The following DIP2C variants were observed in gnomAD, a reference collection of about 807,000 sequenced individuals.
The protein encoded by DIP2C is DIP2 acetate--CoA ligase C (putative).
Under a neutral mutation model 192.4 loss-of-function variants are expected in DIP2C, and 33 were observed. The ratio of observed to expected loss-of-function variants is 0.17; its 90% confidence interval spans 0.13 to 0.23. The LOEUF is 0.23. Ranked by LOEUF, DIP2C falls within the 10% of genes least tolerant of loss-of-function variation. The pLI is 1.00. For synonymous variants in DIP2C, 979 were observed against 864.1 expected, an observed-to-expected ratio of 1.13 and a Z score of -2.33; for missense variants, 1,537 against 2,110.1, an observed-to-expected ratio of 0.73 and a Z score of 5.32.
intron 1 of DIP2C, among the ~76,000 whole-genome samples, chr10:497,512 C>T (rs181178730): frequency 6.6e-6 from 1 of 152,166 alleles, no homozygotes; most frequent in Non-Finnish European, 1.5e-5. Flanking sequence ...GAGAAGCAGG[C>T]GTCCTTCACT....
rs534714225 is a variant in DIP2C, at chr10:518,794, A to G, written c.86-32264T>C. ...ACAGAGATGGCTACTCCCCTCTTCC[A>G]GAAAGAGGTTTAATTAAAATCCCTG... On this transcript the variant is annotated intron_variant, in intron 1 of 36. Coordinates refer to ENST00000280886, the MANE Select transcript of DIP2C (RefSeq NM_014974.3). 1.5e-4 allele frequency among the ~76,000 whole-genome samples: 23 copies of G among 152,350 alleles called. 1 individual carries two copies. In the East Asian group the frequency reaches 4.4e-3, roughly 29 times the overall value.
rs1192892300 is a variant in DIP2C at position 356,365 on chromosome 10, C to G, written c.2985+61G>C. On this transcript the variant is annotated intron_variant, in intron 24 of 36. Coordinates refer to ENST00000280886, the MANE Select transcript of DIP2C (RefSeq NM_014974.3). ...TTCAAAGAAAGAAGCAGGAGCGCTC[C>G]CAGGAACCAGGCTAGGCCCCTTGAG... 4.4e-6 allele frequency: 7 copies of G among 1,581,554 alleles called. No individual in the cohort carries two copies. In the Admixed American group the frequency reaches 5.0e-5, roughly 11 times the overall value.
At chr10:377,697 C>T (rs1294441777) in intron 17 of DIP2C, among the ~76,000 whole-genome samples, 1 of 152,180 alleles carries the variant, frequency 6.6e-6, no homozygotes, top group Non-Finnish European at 1.5e-5. Flanking sequence ...ATCCAGGCAC[C>T]ATCAGCACCC....
chr10:450,156 C>T (rs1268185299), intron 3 of DIP2C, among the ~76,000 whole-genome samples: 1 of 152,068 alleles, frequency 6.6e-6, no homozygotes, highest in Non-Finnish European at 1.5e-5. Context: ...GATGTGGACC[C>T]GACACAAGAG....
intron 1 of DIP2C, among the ~76,000 whole-genome samples, chr10:606,766 T>TA (rs1852516800): frequency 6.6e-6 from 1 of 152,164 alleles, no homozygotes; most frequent in South Asian, 2.1e-4. Flanking sequence ...AACGTTTCTA[T>TA]AACCTCAAAA....
At chr10:362,217 G>A (rs1959621599) in intron 22 of DIP2C, among the ~76,000 whole-genome samples, 1 of 152,220 alleles carries the variant, frequency 6.6e-6, no homozygotes, top group South Asian at 2.1e-4. Context: ...TCAGGAGAAT[G>A]AGCTTTTGCT....
At position 363,430 on chromosome 10, in the gene DIP2C, A is replaced by C. The variant is rs1169984557; in HGVS notation, c.2478-119T>G. 7.5e-6 allele frequency: 6 copies of C among 802,506 alleles called. No individual in the cohort carries two copies. The East Asian group carries it at 1.1e-4, about 14-fold the overall frequency. 49.7% of individuals were successfully genotyped at this position (802,506 alleles called of 1,614,324 possible). On this transcript the variant is annotated intron_variant, in intron 20 of 36. Transcript: ENST00000280886. This position sits in a 1 kb window ranked among gnomAD's most constrained non-coding sequence, Gnocchi z 5.4. Reference sequence around the variant, plus strand: ...TGACACAGCTCCAACTACGACTTCAAAACGGCCGCTGTACTTCCGAATTTC... The same window carrying C: ...TGACACAGCTCCAACTACGACTTCACAACGGCCGCTGTACTTCCGAATTTC...
intron 1 of DIP2C, among the ~76,000 whole-genome samples, chr10:617,150 C>T (rs1272653577): frequency 1.1e-4 from 17 of 151,708 alleles, no homozygotes; most frequent in Non-Finnish European, 1.2e-4. Flanking sequence ...CTGTGCCTCC[C>T]GCCTGACTTA....
At position 310,134 on chromosome 10, in the gene DIP2C, G is replaced by C. The variant is rs138147106; in HGVS notation, c.3925-42C>G. 5.8e-6 allele frequency: 9 copies of C among 1,543,740 alleles called. No individual in the cohort carries two copies. In the African/African-American group the frequency reaches 8.2e-5, roughly 14 times the overall value. On this transcript the variant is annotated intron_variant, in intron 31 of 36. Coordinates refer to ENST00000280886, the MANE Select transcript of DIP2C (RefSeq NM_014974.3). ...AGTGGTTAACTCAAGTTTACATGGA[G>C]GGAGATTGGGGTCTGTGCTTCTACT...
intron 17 of DIP2C, among the ~76,000 whole-genome samples, chr10:380,520 A>G (rs1480005129): frequency 6.6e-6 from 1 of 152,268 alleles, no homozygotes; most frequent in Non-Finnish European, 1.5e-5. Context: ...AAATGCTTAG[A>G]TCACAACACA....
At chr10:427,887 GAGTC>G (rs1966697080) in intron 4 of DIP2C, among the ~76,000 whole-genome samples, 1 of 152,136 alleles carries the variant, frequency 6.6e-6, no homozygotes, top group South Asian at 2.1e-4. Context: ...CTTACAATAA[GAGTC>G]AATCATTCTA....
At chr10:284,172 G>T (rs1026927400) in intron 34 of DIP2C, among the ~76,000 whole-genome samples, 2 of 152,160 alleles carry the variant, frequency 1.3e-5, no homozygotes, top group African/African-American at 2.4e-5. Context: ...TTCTGGGCTT[G>T]GCTGTTTCCA....
chr10:386,265 C>T (rs967167928), intron 14 of DIP2C, among the ~76,000 whole-genome samples: 4 of 152,214 alleles, frequency 2.6e-5, no homozygotes, highest in African/African-American at 9.6e-5. Context: ...CCACAGAATT[C>T]TCACACCGGC....
intron 14 of DIP2C, among the ~76,000 whole-genome samples, chr10:384,909 T>G (rs958057124): frequency 1.3e-5 from 2 of 151,490 alleles, no homozygotes; most frequent in Non-Finnish European, 2.9e-5. Flanking sequence ...GAGAAGCAGC[T>G]CTCAGGGAGC....
At chr10:306,491 T>C (rs895702042) in intron 32 of DIP2C, among the ~76,000 whole-genome samples, 1 of 152,184 alleles carries the variant, frequency 6.6e-6, no homozygotes, top group Non-Finnish European at 1.5e-5. Context: ...TAGACGATAA[T>C]TGGGCAGGTG....
At chr10:580,721 GTT>G in intron 1 of DIP2C, among the ~76,000 whole-genome samples, 1 of 152,158 alleles carries the variant, frequency 6.6e-6, no homozygotes, top group Admixed American at 6.5e-5. Context: ...AAGGCTTCCA[GTT>G]CCACATAATT....
At chr10:566,218 G>A (rs1849459489) in intron 1 of DIP2C, among the ~76,000 whole-genome samples, 1 of 152,002 alleles carries the variant, frequency 6.6e-6, no homozygotes, top group Non-Finnish European at 1.5e-5. Flanking sequence ...TTACCATTAA[G>A]AGTGTCTGAA....
At chr10:339,491 A>G (rs1958038601) in intron 29 of DIP2C, among the ~76,000 whole-genome samples, 1 of 152,194 alleles carries the variant, frequency 6.6e-6, no homozygotes, top group Non-Finnish European at 1.5e-5. Context: ...CCTGCAACAA[A>G]CATCTTCTCT....
intron 17 of DIP2C, among the ~76,000 whole-genome samples, chr10:378,470 C>A (rs754367591): frequency 5.3e-5 from 8 of 152,046 alleles, no homozygotes; most frequent in Non-Finnish European, 1.0e-4. Context: ...CATGCCTAGA[C>A]AAAGACATGC....
Sources: gnomAD v4.1 joint callset for allele counts (sites outside exome capture counted in the v4.1 genomes callset) on GRCh38, gnomAD v4.1.1 for gene constraint, Gnocchi (gnomAD v3.1) non-coding constraint, MANE v1.5 for transcripts, NCBI Gene and HGNC (gene_info 2026-07-23, HGNC 2026-07-21) for gene names.